Variants in DGKB observed in about 807,000 individuals in gnomAD.
DGKB encodes 90 kDa diacylglycerol kinase.
Under a neutral mutation model 114.3 loss-of-function variants are expected in DGKB, and 67 were observed. That is an observed-to-expected ratio of 0.59 (90% CI 0.48 to 0.72). The LOEUF is 0.72. Among genes scored for constraint, DGKB ranks in the 30% least tolerant of loss-of-function variants. DGKB has a pLI of 0.00. For missense variants in DGKB, 907 were observed against 975.2 expected (o/e 0.93, Z 0.93); for synonymous variants, 398 against 323.1 (o/e 1.23, Z -2.49).
At chr7:14,519,165 T>C (rs1372514358) in intron 20 of DGKB, among the ~76,000 whole-genome samples, 1 of 152,120 alleles carries the variant, frequency 6.6e-6, no homozygotes, top group African/African-American at 2.4e-5. Flanking sequence ...AAATATTTTA[T>C]AGAGTTGTGT....
chr7:14,849,235 T>A (rs1849029629), intron 1 of DGKB, among the ~76,000 whole-genome samples: 1 of 152,104 alleles, frequency 6.6e-6, no homozygotes, highest in South Asian at 2.1e-4. Flanking sequence ...GGACTAAGGA[T>A]GTTTTAGCTA....
chr7:14,571,316 T>C (rs1196935589), intron 20 of DGKB, among the ~76,000 whole-genome samples: 1 of 152,194 alleles, frequency 6.6e-6, no homozygotes, highest in African/African-American at 2.4e-5. Flanking sequence ...TCATTGTCAG[T>C]GGAACTGACT....
At chr7:14,757,811 T>A in intron 2 of DGKB, 80 bp from the exon 3 acceptor site, 1 of 677,644 alleles carries the variant, frequency 1.5e-6, no homozygotes, top group South Asian at 1.9e-5. Flanking sequence ...CAGAGACCAC[T>A]TAAAATGTAA....
chr7:14,915,416 GT>G (rs905018009), intron 1 of DGKB, among the ~76,000 whole-genome samples: 1 of 152,082 alleles, frequency 6.6e-6, no homozygotes, highest in Non-Finnish European at 1.5e-5. Flanking sequence ...AGAAAAATTT[GT>G]TGATGTTATA....
chr7:14,476,677 G>C (rs1293062822), intron 21 of DGKB, among the ~76,000 whole-genome samples: 3 of 151,446 alleles, frequency 2.0e-5, no homozygotes, highest in African/African-American at 7.3e-5. Flanking sequence ...ATAAGGTCAT[G>C]ATTTATTTGT....
At chr7:14,212,908 C>T (rs987119587) in intron 23 of DGKB, among the ~76,000 whole-genome samples, 10 of 151,970 alleles carry the variant, frequency 6.6e-5, no homozygotes, top group Non-Finnish European at 1.3e-4. Context: ...CTTTTAAAAA[C>T]GTAAACATTA....
chr7:14,569,048 G>C (rs1797998214), intron 20 of DGKB, among the ~76,000 whole-genome samples: 1 of 152,146 alleles, frequency 6.6e-6, no homozygotes, highest in Non-Finnish European at 1.5e-5. Flanking sequence ...GGAATGATTT[G>C]AGACAATTTA....
intron 21 of DGKB, among the ~76,000 whole-genome samples, chr7:14,346,997 C>CA (rs2128596206): frequency 6.6e-6 from 1 of 152,030 alleles, no homozygotes; most frequent in South Asian, 2.1e-4. Flanking sequence ...ATTCATTCAA[C>CA]AAAAGTTTAA....
intron 5 of DGKB, among the ~76,000 whole-genome samples, chr7:14,721,283 A>G (rs532855088): frequency 1.3e-5 from 2 of 152,340 alleles, no homozygotes; most frequent in African/African-American, 4.8e-5. Flanking sequence ...CTTTCACCAT[A>G]CTGAACACAA....
intron 1 of DGKB, among the ~76,000 whole-genome samples, chr7:14,940,082 C>T (rs116521979): frequency 1.8e-3 from 272 of 152,198 alleles, no homozygotes; most frequent in African/African-American, 6.3e-3. Context: ...TACACAGTCT[C>T]CACACTAAGC....
At chr7:14,557,396 G>A (rs925448020) in intron 20 of DGKB, among the ~76,000 whole-genome samples, 5 of 151,860 alleles carry the variant, frequency 3.3e-5, no homozygotes, top group South Asian at 2.1e-4. Context: ...TATTTGTGCC[G>A]GTCTATGTGT....
At chr7:14,830,362 G>C (rs1386980926) in intron 2 of DGKB, among the ~76,000 whole-genome samples, 1 of 36,794 alleles carries the variant, frequency 2.7e-5, no homozygotes, top group Non-Finnish European at 4.2e-5. Flanking sequence ...CCCATTTCTA[G>C]AGAAATAATT....
intron 17 of DGKB, among the ~76,000 whole-genome samples, chr7:14,592,936 G>A (rs955281099): frequency 1.7e-4 from 26 of 151,792 alleles, no homozygotes; most frequent in African/African-American, 4.3e-4. Context: ...CAACAAATTC[G>A]TTTAGAGTTT....
intron 2 of DGKB, among the ~76,000 whole-genome samples, chr7:14,815,680 T>G (rs1040098894): frequency 6.6e-6 from 1 of 152,110 alleles, no homozygotes; most frequent in Non-Finnish European, 1.5e-5. Flanking sequence ...GGGTTTAGTG[T>G]TGGGGATAGA....
intron 13 of DGKB, among the ~76,000 whole-genome samples, chr7:14,646,375 C>G (rs1412460940): frequency 6.6e-6 from 1 of 151,954 alleles, no homozygotes; most frequent in Non-Finnish European, 1.5e-5. Context: ...ACATTGGAGA[C>G]CATAATACAA....
At chr7:14,359,352 A>T (rs1238932236) in intron 21 of DGKB, among the ~76,000 whole-genome samples, 2 of 152,158 alleles carry the variant, frequency 1.3e-5, no homozygotes, top group Admixed American at 1.3e-4. Context: ...TTAGACCTGA[A>T]ACCATAAAAA....
chr7:14,552,966 T>C (rs963497638), intron 20 of DGKB, among the ~76,000 whole-genome samples: 1 of 152,200 alleles, frequency 6.6e-6, no homozygotes, highest in South Asian at 2.1e-4. Flanking sequence ...CCAGTGGTCT[T>C]AAGGCTGATA....
chr7:14,164,012 CAAAA>C (rs11288441), intron 25 of DGKB, among the ~76,000 whole-genome samples: 40 of 146,484 alleles, frequency 2.7e-4, no homozygotes, highest in African/African-American at 8.7e-4. Flanking sequence ...AAAAAACAAA[CAAAA>C]AAAAAAACAA....
chr7:14,222,636 A>G (rs946066030), intron 23 of DGKB, among the ~76,000 whole-genome samples: 5 of 151,416 alleles, frequency 3.3e-5, no homozygotes, highest in African/African-American at 4.8e-5. Flanking sequence ...TGTTATATAG[A>G]TATTTATTAT....
Sources: gnomAD v4.1 joint callset for allele counts (sites outside exome capture counted in the v4.1 genomes callset) on GRCh38, gnomAD v4.1.1 for gene constraint, MANE v1.5 for transcripts, NCBI Gene and HGNC (gene_info 2026-07-23, HGNC 2026-07-21) for gene names.